Variants in HECW1 observed in about 807,000 individuals in gnomAD.
HECW1 encodes E3 ubiquitin-protein ligase HECW1.
HECW1 carries 61 observed loss-of-function variants against 182.3 expected under a neutral mutation model. That is an observed-to-expected ratio of 0.33 (90% CI 0.27 to 0.41). HECW1 has a LOEUF of 0.41. Among genes scored for constraint, HECW1 ranks in the 10% least tolerant of loss-of-function variants. The probability of loss-of-function intolerance (pLI) is 1.00; values close to 1 mark genes in which losing one functional copy is unlikely to be tolerated. For missense variants in HECW1, 1,739 were observed against 2,108.9 expected (o/e 0.82, Z 3.44); for synonymous variants, 859 against 832.6 (o/e 1.03, Z -0.55).
intron 4 of HECW1, among the ~76,000 whole-genome samples, chr7:43,319,259 C>T (rs1051112238): frequency 6.9e-4 from 105 of 151,130 alleles, no homozygotes; most frequent in South Asian, 5.1e-3. Context: ...CGGTGGCGGG[C>T]GCCTGTAGTC....
Position 43,312,101 on chromosome 7 carries a change from G to A in HECW1, c.352+14G>A. The A allele has an allele frequency of 6.2e-7, 1 of 1,600,718 alleles. No homozygotes were observed. The highest frequency in any genetic ancestry group is 8.6e-7 in the Non-Finnish European group (1 of 1,168,608). On this transcript the variant is annotated intron_variant, in intron 4 of 29. Coordinates refer to ENST00000395891, the MANE Select transcript of HECW1 (RefSeq NM_015052.5). ...TGTACCTCATTGGTGAGTAGAATGT[G>A]CCAAGTGTATTATTCATAATTCACT...
Position 43,456,309 on chromosome 7 carries a change from G to C in HECW1, c.2513G>C (p.Arg838Pro). ...DEPLPPNWEA[R>P]IDSHGRVFYV... ...TATTAAACACTAGACTGGGAAGCTC[G>C]AATTGACAGCCACGGGCGGGTCTTT... is the stretch of plus-strand genomic sequence containing the variant. Residue 838 changes from arginine to proline, a missense_variant, in exon 13 of 30, where the codon CGA (arginine) becomes CCA (proline). This residue lies in a region of HECW1 where 971 missense variants were observed against 1,029.1 expected (regional missense o/e 0.94). Coordinates refer to ENST00000395891, the MANE Select transcript of HECW1 (RefSeq NM_015052.5). 6.2e-7 allele frequency: 1 copy of C among 1,611,984 alleles called. No individual in the cohort carries two copies. Among genetic ancestry groups the C allele is most frequent in the Non-Finnish European group, 8.5e-7 (1 of 1,178,640 alleles).
At chr7:43,225,819 G>C (rs1313623734) in intron 2 of HECW1, among the ~76,000 whole-genome samples, 2 of 151,732 alleles carry the variant, frequency 1.3e-5, no homozygotes, top group Non-Finnish European at 2.9e-5. Context: ...GGGTCTCACT[G>C]TGTCACCGAG....
rs147807972 is a variant in HECW1, at chr7:43,231,068, T to C, written c.-31-12807T>C. 3.2e-4 allele frequency among the ~76,000 whole-genome samples: 48 copies of C among 152,286 alleles called. 1 individual carries two copies. In the East Asian group the frequency reaches 7.7e-3, roughly 24 times the overall value. The stretch of plus-strand genomic sequence containing the variant: ...ATTCTTTAGTCCTCTGCATTTATTT[T>C]CCCTCCAAAATCTGTTGACAGCACT... On this transcript the variant is annotated intron_variant, in intron 2 of 29. Transcript: ENST00000395891.
chr7:43,510,705 T>G lies in HECW1; in HGVS notation c.4019+1584T>G, dbSNP rs115936273. Among the ~76,000 whole-genome samples, 433 of 151,256 alleles carry G rather than the reference T, an allele frequency of 2.9e-3. 1 individual carries two copies. Among genetic ancestry groups the G allele is most frequent in the African/African-American group, 0.01 (422 of 41,136 alleles). The stretch of plus-strand genomic sequence containing the variant: ...CTGTCCAAGTTAGGGGGTCAGGGAG[T>G]GGGGAGTGGAGTCTGTGAATCTTTC... On this transcript the variant is annotated intron_variant, in intron 24 of 29. Transcript: ENST00000395891.
At chr7:43,488,398 G>GAGAGA (rs1563045335) in intron 17 of HECW1, among the ~76,000 whole-genome samples, 9 of 83,934 alleles carry the variant, frequency 1.1e-4, no homozygotes, top group South Asian at 3.6e-4. Flanking sequence ...AAGGAAGGAA[G>GAGAGA]GAAATGAAAG....
intron 3 of HECW1, chr7:43,258,502 G>A (rs1016255422): frequency 2.6e-5 from 4 of 152,172 alleles, no homozygotes; most frequent in African/African-American, 7.2e-5. Flanking sequence ...ATGGATACCA[G>A]ATTATGGAAC....
At chr7:43,438,250 T>A (rs2076771742) in intron 9 of HECW1, 105 bp downstream of exon 9, 2 of 911,370 alleles carry the variant, frequency 2.2e-6, no homozygotes, top group African/African-American at 3.4e-5. Context: ...AGAGTCAAAA[T>A]GGTATCATTA....
chr7:43,454,589 A>G (rs376827994), intron 12 of HECW1, among the ~76,000 whole-genome samples: 6 of 152,274 alleles, frequency 3.9e-5, no homozygotes, highest in East Asian at 3.9e-4. Flanking sequence ...TTTTTCCTTC[A>G]ATTTGTCTCA....
intron 10 of HECW1, among the ~76,000 whole-genome samples, 176 bp downstream of exon 10, chr7:43,442,805 CT>C (rs1384139130): frequency 6.6e-6 from 1 of 152,206 alleles, no homozygotes; most frequent in Non-Finnish European, 1.5e-5. Context: ...TGCTGTCCCC[CT>C]GATAGAGAAG....
chr7:43,285,647 T>C (rs1804547242), intron 3 of HECW1, among the ~76,000 whole-genome samples: 1 of 151,976 alleles, frequency 6.6e-6, no homozygotes, highest in Non-Finnish European at 1.5e-5. Context: ...CCATCTTTAT[T>C]AAAAAATTTT....
intron 2 of HECW1, among the ~76,000 whole-genome samples, chr7:43,175,405 C>T (rs1360288364): frequency 2.6e-5 from 4 of 152,160 alleles, no homozygotes; most frequent in Non-Finnish European, 2.9e-5. Flanking sequence ...AACATCTTTT[C>T]CATCTCTTAT....
intron 3 of HECW1, among the ~76,000 whole-genome samples, chr7:43,287,098 C>A (rs1014729456): frequency 1.2e-4 from 18 of 151,952 alleles, no homozygotes; most frequent in African/African-American, 4.1e-4. Context: ...ATGGAATGTA[C>A]CTTGTTGTGA....
chr7:43,262,213 A>G (rs1220077409), intron 3 of HECW1, among the ~76,000 whole-genome samples: 1 of 150,782 alleles, frequency 6.6e-6, no homozygotes, highest in Non-Finnish European at 1.5e-5. Context: ...AGAATGAGAC[A>G]CTGTCTCAAA....
intron 7 of HECW1, among the ~76,000 whole-genome samples, chr7:43,397,720 A>G (rs551546471): frequency 6.1e-4 from 93 of 152,288 alleles, no homozygotes; most frequent in African/African-American, 6.0e-4. Context: ...CATAAGGTCA[A>G]TTGATCAGTT....
chr7:43,344,064 A>C (rs140290258), intron 5 of HECW1, among the ~76,000 whole-genome samples: 73,363 of 151,536 alleles, frequency 0.48, 18,963 homozygotes, highest in Middle Eastern at 0.63. Flanking sequence ...TCTTTTGAGA[A>C]GTGTCTGTTC....
intron 2 of HECW1, among the ~76,000 whole-genome samples, chr7:43,204,014 T>C (rs1486411397): frequency 6.6e-6 from 1 of 152,258 alleles, no homozygotes; most frequent in African/African-American, 2.4e-5. Context: ...TTTGAACTTG[T>C]AATAACAAAT....
At chr7:43,369,913 T>G (rs1388876047) in intron 6 of HECW1, among the ~76,000 whole-genome samples, 1 of 152,162 alleles carries the variant, frequency 6.6e-6, no homozygotes, top group African/African-American at 2.4e-5. Flanking sequence ...CTGATACAGC[T>G]TAAGCTTTTA....
intron 2 of HECW1, among the ~76,000 whole-genome samples, chr7:43,186,668 CAAAAAAAA>C (rs112678392): frequency 1.1e-4 from 10 of 93,484 alleles, no homozygotes; most frequent in Admixed American, 3.2e-4. Context: ...GACTCCGTCT[CAAAAAAAA>C]AAAAAAAAAA....
Sources: gnomAD v4.1 joint callset for allele counts (sites outside exome capture counted in the v4.1 genomes callset) on GRCh38, gnomAD v4.1.1 for gene constraint, gnomAD v4.1.1 regional missense constraint, MANE v1.5 for transcripts, NCBI Gene and HGNC (gene_info 2026-07-23, HGNC 2026-07-21) for gene names.